The following EHBP1 variants were observed in gnomAD, a reference collection of about 807,000 sequenced individuals.
The protein encoded by EHBP1 is EH domain-binding protein 1.
Under a neutral mutation model 144.0 loss-of-function variants are expected in EHBP1, and 55 were observed. The observed-to-expected ratio is 0.38, with a 90% confidence interval of 0.31 to 0.48. The LOEUF is 0.48. Among genes scored for constraint, EHBP1 ranks in the 20% least tolerant of loss-of-function variants. The pLI, the probability that EHBP1 is intolerant of heterozygous loss-of-function variation, is 0.98. For missense variants in EHBP1, 1,200 were observed against 1,364.2 expected (o/e 0.88, Z 1.90); for synonymous variants, 469 against 472.7 (o/e 0.99, Z 0.10).
At chr2:62,701,315 T>C (rs1043002044), upstream of EHBP1, among the ~76,000 whole-genome samples, 4 of 152,166 alleles carry the variant, frequency 2.6e-5, no homozygotes, top group Admixed American at 1.3e-4. Context: ...ATGTAATCAA[T>C]ATAAATATTA....
intron 2 of EHBP1, among the ~76,000 whole-genome samples, chr2:62,732,753 T>C (rs1387598095): frequency 6.6e-6 from 1 of 152,246 alleles, no homozygotes; most frequent in Non-Finnish European, 1.5e-5. Flanking sequence ...CAAATATTTA[T>C]AGCAGTAGGG....
At chr2:62,772,670 G>C (rs145495224) in intron 5 of EHBP1, among the ~76,000 whole-genome samples, 1 of 152,218 alleles carries the variant, frequency 6.6e-6, no homozygotes, top group Non-Finnish European at 1.5e-5. Context: ...TTATAGGGTT[G>C]CTTGAAGATT....
rs188963692 is a variant in EHBP1, at chr2:62,809,757, G to A, written c.313-16330G>A. ...GATAAGTGAGTACATGCAGTATTTG[G>A]TTTTTGTTCCTGTGTTAATTTGCTT... On this transcript the variant is annotated intron_variant, in intron 5 of 22. Coordinates refer to ENST00000431489, the MANE Select transcript of EHBP1 (RefSeq NM_001142616.3). Among the ~76,000 whole-genome samples the A allele has an allele frequency of 9.1e-4, 138 of 152,182 alleles. 1 individual carries two copies. Among genetic ancestry groups the A allele is most frequent in the Non-Finnish European group, 1.7e-3 (118 of 68,004 alleles).
intron 10 of EHBP1, among the ~76,000 whole-genome samples, chr2:62,888,419 T>G (rs1292741864): frequency 6.6e-6 from 1 of 152,256 alleles, no homozygotes; most frequent in Admixed American, 6.5e-5. Flanking sequence ...TGCTTGCCTT[T>G]TAAAACAAAA....
chr2:62,719,397 T>G (rs2035992791), intron 2 of EHBP1, among the ~76,000 whole-genome samples: 1 of 152,220 alleles, frequency 6.6e-6, no homozygotes, highest in South Asian at 2.1e-4. Context: ...CTCACGTTGA[T>G]TTTTCTATTC....
At chr2:62,803,563 G>C (rs1224027865) in intron 5 of EHBP1, among the ~76,000 whole-genome samples, 1 of 152,074 alleles carries the variant, frequency 6.6e-6, no homozygotes, top group Non-Finnish European at 1.5e-5. Context: ...GTGATGTTGA[G>C]CATCTTGTTA....
intron 1 of EHBP1, among the ~76,000 whole-genome samples, chr2:62,684,806 G>A (rs1017363715): frequency 1.3e-5 from 2 of 152,218 alleles, no homozygotes; most frequent in Non-Finnish European, 2.9e-5. Flanking sequence ...GGGAGGGAGG[G>A]AGAGAGGAAA....
chr2:62,823,192 C>T (rs533953871), intron 5 of EHBP1, among the ~76,000 whole-genome samples: 1 of 152,116 alleles, frequency 6.6e-6, no homozygotes, highest in South Asian at 2.1e-4. Flanking sequence ...TTTTAATAAA[C>T]ATTGAAGTTT....
chr2:62,731,352 G>T (rs963190914), intron 2 of EHBP1, among the ~76,000 whole-genome samples: 2 of 152,066 alleles, frequency 1.3e-5, no homozygotes, highest in African/African-American at 4.8e-5. Flanking sequence ...CCTATCACAC[G>T]CAAACAAATA....
chr2:63,037,840 T>C (rs2061503183), intron 20 of EHBP1, among the ~76,000 whole-genome samples: 1 of 152,122 alleles, frequency 6.6e-6, no homozygotes, highest in South Asian at 2.1e-4. Flanking sequence ...GAAAAAGTGT[T>C]TATTATACAG....
At chr2:62,902,259 G>A (rs1272367687) in intron 10 of EHBP1, among the ~76,000 whole-genome samples, 1 of 152,066 alleles carries the variant, frequency 6.6e-6, no homozygotes, top group Non-Finnish European at 1.5e-5. Flanking sequence ...AATGAAAAAA[G>A]CAACAGATGT....
chr2:62,840,558 C>T (rs1307086472), intron 7 of EHBP1, among the ~76,000 whole-genome samples: 4 of 150,964 alleles, frequency 2.6e-5, no homozygotes, highest in African/African-American at 4.9e-5. Flanking sequence ...AGGCAACCTA[C>T]AGAATGGGAG....
At chr2:62,750,863 T>C (rs565976897) in intron 3 of EHBP1, among the ~76,000 whole-genome samples, 1 of 152,372 alleles carries the variant, frequency 6.6e-6, no homozygotes, top group East Asian at 1.9e-4. Flanking sequence ...AAGTTGCTTA[T>C]TAGCTTAAGG....
intron 19 of EHBP1, among the ~76,000 whole-genome samples, chr2:63,001,186 A>T (rs545807340): frequency 6.6e-6 from 1 of 152,292 alleles, no homozygotes; most frequent in Non-Finnish European, 1.5e-5. Context: ...TGAGTTTTTT[A>T]AAAGTTACAG....
intron 7 of EHBP1, among the ~76,000 whole-genome samples, chr2:62,857,647 G>A (rs753928796): frequency 4.6e-5 from 7 of 152,062 alleles, no homozygotes; most frequent in Admixed American, 2.6e-4. Context: ...GAATTACCCC[G>A]TAGTATCCTA....
Position 63,037,545 on chromosome 2 carries a change from A to C in EHBP1, c.3114A>C (p.Thr1038=), listed in dbSNP as rs1475584420. Residue 1038 remains threonine (T), a synonymous_variant, in exon 20 of 23, where the codon ACA becomes ACC. Transcript: ENST00000431489. The part of the protein sequence containing the change: ...LRYLMDTGRN[T]EEEEAMMQEW... ...CTTCCCGAATTATAGGAAGGAACAC[A>C]GAAGAAGAAGAAGCTATGATGCAGG... 1.9e-6 allele frequency: 3 copies of C among 1,596,550 alleles called. No individual in the cohort carries two copies. Among genetic ancestry groups the C allele is most frequent in the Non-Finnish European group, 1.7e-6 (2 of 1,169,270 alleles).
Position 63,045,048 on chromosome 2 carries a change from G to A in EHBP1, c.3278-18G>A, listed in dbSNP as rs1323306020. 8 of 1,535,400 alleles carry A rather than the reference G, an allele frequency of 5.2e-6. No individual in the cohort carries two copies. Among genetic ancestry groups the A allele is most frequent in the Admixed American group, 2.0e-5 (1 of 50,704 alleles). ...CGGAGGCCCTGCCGGTGGGTAACTA[G>A]CCTCCCGTCTTCTGCAGACTGGCAG... On this transcript the variant is annotated intron_variant, in intron 21 of 22. Transcript: ENST00000431489. The surrounding 1 kb of genome is among the most constrained non-coding windows in gnomAD (Gnocchi z 5.7).
intron 9 of EHBP1, among the ~76,000 whole-genome samples, chr2:62,869,398 A>G (rs1470923659): frequency 6.6e-6 from 1 of 152,246 alleles, no homozygotes; most frequent in Non-Finnish European, 1.5e-5. Flanking sequence ...TCAAATATCT[A>G]TCAACAGACA....
intron 3 of EHBP1, among the ~76,000 whole-genome samples, chr2:62,751,494 C>T (rs1459034407): frequency 2.0e-5 from 3 of 152,128 alleles, no homozygotes; most frequent in Admixed American, 2.0e-4. Context: ...TGATGCTGGC[C>T]TCATAAAGTG....
Sources: allele counts gnomAD v4.1 joint callset (sites outside exome capture counted in the v4.1 genomes callset), GRCh38; gene constraint gnomAD v4.1.1; non-coding constraint Gnocchi (gnomAD v3.1); transcripts MANE v1.5; gene names NCBI Gene and HGNC (gene_info 2026-07-23, HGNC 2026-07-21).